RFX3: variants seen among roughly 807,000 people sequenced by gnomAD.
RFX3 encodes the protein regulatory factor X3.
A neutral mutation model predicts 98.6 loss-of-function variants in RFX3; 14 were observed. That is an observed-to-expected ratio of 0.14 (90% CI 0.09 to 0.22). RFX3 has a LOEUF of 0.22. Ranked by LOEUF, RFX3 falls within the 10% of genes least tolerant of loss-of-function variation. The pLI is 1.00. For missense variants in RFX3, 639 were observed against 926.9 expected (o/e 0.69, Z 4.03); for synonymous variants, 383 against 328.4 (o/e 1.17, Z -1.80).
chr9:3,477,339 T>C (rs1849360351), intron 1 of RFX3, among the ~76,000 whole-genome samples: 1 of 152,204 alleles, frequency 6.6e-6, no homozygotes, highest in Admixed American at 6.5e-5. Context: ...GTCCTTTCAT[T>C]TCAACCTGAA....
At chr9:3,235,280 T>C (rs1818986320) in intron 15 of RFX3, among the ~76,000 whole-genome samples, 1 of 152,210 alleles carries the variant, frequency 6.6e-6, no homozygotes, top group Admixed American at 6.5e-5. Context: ...ATAGGGAGTG[T>C]TCCAGATGAT....
intron 1 of RFX3, among the ~76,000 whole-genome samples, chr9:3,482,792 G>C (rs941229693): frequency 6.6e-6 from 1 of 152,006 alleles, no homozygotes; most frequent in Non-Finnish European, 1.5e-5. Flanking sequence ...TATGCTAAGT[G>C]TGCTATATTA....
chr9:3,342,848 T>C (rs1420970253), intron 3 of RFX3, among the ~76,000 whole-genome samples: 6 of 152,170 alleles, frequency 3.9e-5, no homozygotes, highest in Admixed American at 2.6e-4. Flanking sequence ...TTGGAAAAAC[T>C]ACTGCAAGGA....
chr9:3,240,946 A>C (rs911037256), intron 15 of RFX3, among the ~76,000 whole-genome samples: 7 of 152,234 alleles, frequency 4.6e-5, no homozygotes, highest in African/African-American at 1.7e-4. Context: ...GTGCTACCTG[A>C]CAAACTCTTT....
intron 2 of RFX3, among the ~76,000 whole-genome samples, chr9:3,394,322 GC>G (rs1840632518): frequency 1.3e-5 from 2 of 152,062 alleles, no homozygotes; most frequent in Non-Finnish European, 2.9e-5. Flanking sequence ...AATTAGCCAG[GC>G]GTGGTGGCAG....
intron 1 of RFX3, among the ~76,000 whole-genome samples, chr9:3,508,529 T>C (rs1817338381): frequency 6.6e-6 from 1 of 151,832 alleles, no homozygotes; most frequent in Admixed American, 6.6e-5. Flanking sequence ...TTTTAAAAAA[T>C]GATAAAGAAT....
chr9:3,411,329 C>G (rs889088978), intron 1 of RFX3, among the ~76,000 whole-genome samples: 2 of 152,032 alleles, frequency 1.3e-5, no homozygotes, highest in Admixed American at 6.6e-5. Flanking sequence ...TTCTTTCCCC[C>G]TTTCTCCCTT....
intron 2 of RFX3, among the ~76,000 whole-genome samples, chr9:3,377,649 G>C (rs1838699162): frequency 6.6e-6 from 1 of 152,132 alleles, no homozygotes; most frequent in South Asian, 2.1e-4. Context: ...AAAAGTCGTG[G>C]AAAATATAAA....
chr9:3,517,216 T>A (rs1344792837), intron 1 of RFX3, among the ~76,000 whole-genome samples: 1 of 152,202 alleles, frequency 6.6e-6, no homozygotes, highest in Non-Finnish European at 1.5e-5. Context: ...CATAGCCCTA[T>A]TGTTTCATGT....
intron 1 of RFX3, among the ~76,000 whole-genome samples, chr9:3,418,180 C>G: frequency 6.6e-6 from 1 of 152,120 alleles, no homozygotes; most frequent in Admixed American, 6.5e-5. Flanking sequence ...ACTTAAGTAG[C>G]AATGCCTTAG....
intron 14 of RFX3, among the ~76,000 whole-genome samples, chr9:3,252,773 C>T (rs151273563): frequency 2.2e-3 from 331 of 151,948 alleles, no homozygotes; most frequent in Middle Eastern, 6.8e-3. Flanking sequence ...AAAATGCACA[C>T]GTAATACTAA....
At chr9:3,283,960 AT>A (rs1826251633) in intron 7 of RFX3, among the ~76,000 whole-genome samples, 1 of 151,814 alleles carries the variant, frequency 6.6e-6, no homozygotes, top group Non-Finnish European at 1.5e-5. Context: ...TGGATAAGTT[AT>A]TTAACCTTTA....
chr9:3,501,694 T>A (rs1816029489), intron 1 of RFX3, among the ~76,000 whole-genome samples: 1 of 151,282 alleles, frequency 6.6e-6, no homozygotes, highest in Non-Finnish European at 1.5e-5. Flanking sequence ...GTAGCTGGGA[T>A]TACAAGGCAT....
chr9:3,398,437 T>A (rs1256432773), intron 1 of RFX3, among the ~76,000 whole-genome samples: 1 of 152,194 alleles, frequency 6.6e-6, no homozygotes, highest in Non-Finnish European at 1.5e-5. Context: ...GAACTATTAG[T>A]AAGAGTGAGG....
At chr9:3,501,419 C>T (rs1815983337) in intron 1 of RFX3, among the ~76,000 whole-genome samples, 1 of 152,022 alleles carries the variant, frequency 6.6e-6, no homozygotes, top group Non-Finnish European at 1.5e-5. Flanking sequence ...AATAAAATTA[C>T]TCCGAGGGCC....
At position 3,330,295 on chromosome 9, in the gene RFX3, G is replaced by A; in HGVS notation, c.438C>T (p.His146=). ...AGGCCCGAGTTGTGTGTGTCACTGAGTGACCAGAATTCTCCATTGAGTTGC... is the reference window on the plus strand; with the variant it reads ...AGGCCCGAGTTGTGTGTGTCACTGAATGACCAGAATTCTCCATTGAGTTGC... ...LIGNSMENSG[H]SVTHTTRASP... Residue 146 remains histidine (H), a synonymous_variant, in exon 4 of 17, where the codon CAC becomes CAT. Coordinates refer to ENST00000617270, the MANE Select transcript of RFX3 (RefSeq NM_001282116.2). 1 of 1,614,084 alleles carries A rather than the reference G, an allele frequency of 6.2e-7. No individual in the cohort carries two copies. The highest frequency in any genetic ancestry group is 8.5e-7 in the Non-Finnish European group (1 of 1,179,976).
At chr9:3,477,069 G>A (rs563841853) in intron 1 of RFX3, among the ~76,000 whole-genome samples, 1 of 152,042 alleles carries the variant, frequency 6.6e-6, no homozygotes, top group East Asian at 1.9e-4. Flanking sequence ...ATTATTTTCA[G>A]TATAATTTTT....
chr9:3,491,894 AAT>A (rs1368140112), intron 1 of RFX3, among the ~76,000 whole-genome samples: 2 of 152,202 alleles, frequency 1.3e-5, no homozygotes, highest in Non-Finnish European at 2.9e-5. Flanking sequence ...TTAAATATAT[AAT>A]ACAGTCTCCC....
intron 1 of RFX3, among the ~76,000 whole-genome samples, chr9:3,402,882 T>C (rs989962672): frequency 2.0e-5 from 3 of 151,560 alleles, no homozygotes. Context: ...TATTCTGGAG[T>C]AGATAATGAA....
Sources: allele counts gnomAD v4.1 joint callset (sites outside exome capture counted in the v4.1 genomes callset), GRCh38; gene constraint gnomAD v4.1.1; transcripts MANE v1.5; gene names NCBI Gene and HGNC (gene_info 2026-07-23, HGNC 2026-07-21).